Variants in SNX24 observed in about 807,000 individuals in gnomAD.
SNX24 encodes the protein sorting nexin 24.
SNX24 carries 22 observed loss-of-function variants against 28.7 expected under a neutral mutation model. That is an observed-to-expected ratio of 0.77 (90% CI 0.55 to 1.10). The LOEUF (loss-of-function observed/expected upper bound fraction) is 1.10, where lower values mean the gene tolerates loss of function less well. Ranked by LOEUF, SNX24 falls within the 50% of genes least tolerant of loss-of-function variation. The pLI is 0.00. For missense variants in SNX24, 221 were observed against 201.1 expected (o/e 1.10, Z -0.60); for synonymous variants, 69 against 71.5 (o/e 0.96, Z 0.18).
At chr5:123,017,491 A>C (rs1762699938) in intron 5 of SNX24, among the ~76,000 whole-genome samples, 1 of 151,476 alleles carries the variant, frequency 6.6e-6, no homozygotes, top group Non-Finnish European at 1.5e-5. Flanking sequence ...AGGCAAGTCC[A>C]GTGTTTGACA....
chr5:122,854,516 A>AAAAAAAAAAAAC (rs1449908504), intron 1 of SNX24, among the ~76,000 whole-genome samples: 2 of 15,476 alleles, frequency 1.3e-4, no homozygotes, highest in African/African-American at 1.4e-3. Flanking sequence ...TCAAAAAAAC[A>AAAAAAAAAAAAC]AAAAAAAAAA....
chr5:122,855,860 GTCC>G (rs1178341604), intron 1 of SNX24, among the ~76,000 whole-genome samples: 1 of 152,164 alleles, frequency 6.6e-6, no homozygotes, highest in Non-Finnish European at 1.5e-5. Context: ...AATATTGTTT[GTCC>G]TAAGGAATAG....
At position 122,909,563 on chromosome 5, in the gene SNX24, C is replaced by T. The variant is rs369532362; in HGVS notation, c.61-27171C>T. 4.7e-4 allele frequency among the ~76,000 whole-genome samples: 72 copies of T among 152,108 alleles called. No individual in the cohort carries two copies. The South Asian group carries it at 8.3e-3, about 18-fold the overall frequency. On this transcript the variant is annotated intron_variant, in intron 1 of 6. Coordinates refer to ENST00000261369, the MANE Select transcript of SNX24 (RefSeq NM_014035.4). ...ACAAGCACCCAAGCATGTGTATACC[C>T]GTGAGGACAGCTGCCTTAACCTGGC...
chr5:122,928,293 A>G (rs983654368), intron 1 of SNX24, among the ~76,000 whole-genome samples: 5 of 152,174 alleles, frequency 3.3e-5, no homozygotes, highest in African/African-American at 4.8e-5. Context: ...TCAGGTCTGT[A>G]GTGAATGAAA....
intron 1 of SNX24, among the ~76,000 whole-genome samples, chr5:122,906,836 A>G (rs1757663297): frequency 6.6e-6 from 1 of 152,162 alleles, no homozygotes. Context: ...AGTTGAGAGG[A>G]CAGTGAGGCA....
At chr5:122,981,365 A>T (rs1040424055) in intron 3 of SNX24, among the ~76,000 whole-genome samples, 1 of 152,242 alleles carries the variant, frequency 6.6e-6, no homozygotes, top group Non-Finnish European at 1.5e-5. Context: ...AAATCCTCTG[A>T]CAACTTGACT....
intron 1 of SNX24, among the ~76,000 whole-genome samples, chr5:122,845,918 C>A (rs1465300027): frequency 6.6e-6 from 1 of 152,092 alleles, no homozygotes; most frequent in African/African-American, 2.4e-5. Context: ...CGGGGTCCAA[C>A]CCTCTCCTCC....
chr5:122,877,876 T>A (rs1756302432), intron 1 of SNX24, among the ~76,000 whole-genome samples: 1 of 152,206 alleles, frequency 6.6e-6, no homozygotes, highest in Admixed American at 6.5e-5. Context: ...GACTCCTCTC[T>A]TGGTGGTCCT....
At chr5:122,908,337 A>G (rs1242559758) in intron 1 of SNX24, among the ~76,000 whole-genome samples, 1 of 152,198 alleles carries the variant, frequency 6.6e-6, no homozygotes, top group Non-Finnish European at 1.5e-5. Flanking sequence ...GCTCACCCAG[A>G]GAGGGAAGGG....
chr5:123,000,700 C>G (rs1011178068), intron 4 of SNX24, among the ~76,000 whole-genome samples: 1 of 152,138 alleles, frequency 6.6e-6, no homozygotes. Flanking sequence ...AGCCACTGGC[C>G]CAGCAACAGC....
intron 3 of SNX24, among the ~76,000 whole-genome samples, chr5:122,957,680 T>C (rs772593491): frequency 2.0e-5 from 3 of 152,228 alleles, no homozygotes; most frequent in Non-Finnish European, 4.4e-5. Flanking sequence ...TACATTTATT[T>C]GTGTCTTCTT....
intron 3 of SNX24, among the ~76,000 whole-genome samples, chr5:122,963,014 A>T (rs982021837): frequency 6.6e-6 from 1 of 152,140 alleles, no homozygotes; most frequent in Non-Finnish European, 1.5e-5. Flanking sequence ...TGGGCGGATC[A>T]CTTGAAGTCA....
At chr5:122,924,860 G>C (rs1247188777) in intron 1 of SNX24, among the ~76,000 whole-genome samples, 1 of 152,126 alleles carries the variant, frequency 6.6e-6, no homozygotes, top group Non-Finnish European at 1.5e-5. Context: ...TCTAAGTCCA[G>C]ACTGGTGCTC....
chr5:122,952,972 G>A (rs1760021499), intron 3 of SNX24, among the ~76,000 whole-genome samples: 1 of 152,052 alleles, frequency 6.6e-6, no homozygotes, highest in South Asian at 2.1e-4. Flanking sequence ...GGGGATGGGA[G>A]GTACAATACA....
intron 1 of SNX24, among the ~76,000 whole-genome samples, chr5:122,916,781 C>T (rs1758189248): frequency 1.3e-5 from 2 of 152,122 alleles, no homozygotes; most frequent in Admixed American, 6.5e-5. Context: ...ACATAAGCTG[C>T]TTGGAAACTG....
At chr5:122,986,980 C>A (rs575499833) in intron 3 of SNX24, among the ~76,000 whole-genome samples, 1 of 152,048 alleles carries the variant, frequency 6.6e-6, no homozygotes, top group South Asian at 2.1e-4. Flanking sequence ...AGAGCCAGAG[C>A]AGAGATATAG....
chr5:122,960,606 C>CT (rs1035495076), intron 3 of SNX24, among the ~76,000 whole-genome samples: 72 of 152,146 alleles, frequency 4.7e-4, no homozygotes, highest in African/African-American at 1.7e-3. Context: ...GGAGCCTTTT[C>CT]TTTAAGTCCT....
chr5:123,018,453 A>G (rs1762716172), intron 5 of SNX24, among the ~76,000 whole-genome samples: 1 of 152,142 alleles, frequency 6.6e-6, no homozygotes, highest in Non-Finnish European at 1.5e-5. Context: ...ACATAATGTT[A>G]CCACCTCGGA....
At chr5:122,883,942 A>G (rs956796067) in intron 1 of SNX24, among the ~76,000 whole-genome samples, 3 of 152,244 alleles carry the variant, frequency 2.0e-5, no homozygotes, top group African/African-American at 7.2e-5. Flanking sequence ...GGCATGAGCC[A>G]GTACTCCTCG....
Sources: gnomAD v4.1 joint callset for allele counts (sites outside exome capture counted in the v4.1 genomes callset) on GRCh38, gnomAD v4.1.1 for gene constraint, MANE v1.5 for transcripts, NCBI Gene and HGNC (gene_info 2026-07-23, HGNC 2026-07-21) for gene names.